SNX9: variants seen among roughly 807,000 people sequenced by gnomAD.
SNX9 encodes sorting nexin 9, also known as sorting nexin-9.
Under a neutral mutation model 89.4 loss-of-function variants are expected in SNX9, and 44 were observed. The observed-to-expected ratio is 0.49, with a 90% confidence interval of 0.39 to 0.63. The LOEUF (loss-of-function observed/expected upper bound fraction) is 0.63. Ranked by LOEUF, SNX9 falls within the 30% of genes least tolerant of loss-of-function variation. SNX9 has a pLI of 0.00. For missense variants in SNX9, 578 were observed against 736.1 expected (o/e 0.79, Z 2.49); for synonymous variants, 236 against 247.8 (o/e 0.95, Z 0.45).
At chr6:157,875,306 C>A in intron 4 of SNX9, 130 bp downstream of exon 4, 1 of 1,269,782 alleles carries the variant, frequency 7.9e-7, no homozygotes, top group Non-Finnish European at 1.0e-6. Flanking sequence ...TTAGGTTGTT[C>A]TGTGGCATTT....
intron 17 of SNX9, 70 bp from the exon 18 acceptor site, chr6:157,942,721 G>T: frequency 6.6e-7 from 1 of 1,510,738 alleles, no homozygotes; most frequent in South Asian, 1.1e-5. Context: ...TTGGAGTTGT[G>T]AATAAAGAAC....
chr6:157,830,982 T>C (rs894456999), intron 1 of SNX9, among the ~76,000 whole-genome samples: 6 of 152,222 alleles, frequency 3.9e-5, no homozygotes, highest in East Asian at 1.9e-4. Flanking sequence ...CTTTTATTCA[T>C]CCATTTAATT....
At chr6:157,841,000 G>A (rs1038034304) in intron 1 of SNX9, among the ~76,000 whole-genome samples, 22 of 152,184 alleles carry the variant, frequency 1.4e-4, no homozygotes, top group Admixed American at 8.5e-4. Context: ...GCGACTCACT[G>A]CATTTCTCTT....
At chr6:157,855,132 G>T (rs770024006) in intron 1 of SNX9, among the ~76,000 whole-genome samples, 3 of 152,078 alleles carry the variant, frequency 2.0e-5, no homozygotes, top group Admixed American at 2.0e-4. Context: ...GTACTGCATC[G>T]CTGGGCCCTC....
At position 157,843,408 on chromosome 6, in the gene SNX9, G is replaced by A. The variant is rs1372210228; in HGVS notation, c.12+19962G>A. Among the ~76,000 whole-genome samples the A allele has an allele frequency of 4.6e-5, 7 of 152,072 alleles. No homozygotes were observed. In the East Asian group the frequency reaches 5.8e-4, roughly 13 times the overall value. On this transcript the variant is annotated intron_variant, in intron 1 of 17. Transcript: ENST00000392185. ...TTTGTATGTTATATGTATTACATAC[G>A]GTATTCTTACAGTAAATTAAGCTAA...
intron 9 of SNX9, among the ~76,000 whole-genome samples, chr6:157,915,167 C>T (rs991583312): frequency 2.0e-5 from 3 of 152,130 alleles, no homozygotes; most frequent in Non-Finnish European, 2.9e-5. Context: ...CCATCCTTTT[C>T]GCTAGTCCTA....
At chr6:157,927,020 A>G in intron 10 of SNX9, 91 bp from the exon 11 acceptor site, 1 of 911,052 alleles carries the variant, frequency 1.1e-6, no homozygotes, top group South Asian at 1.4e-5. Flanking sequence ...TAGAAAGATA[A>G]AGGTGATAAA....
chr6:157,927,426 A>C (rs1160747971), intron 11 of SNX9, among the ~76,000 whole-genome samples: 1 of 152,082 alleles, frequency 6.6e-6, no homozygotes, highest in Non-Finnish European at 1.5e-5. Context: ...TCTTTCTTTC[A>C]CCTTGAAGCC....
chr6:157,844,438 TC>T lies in SNX9; in HGVS notation c.12+20993del, dbSNP rs1160386521. Among the ~76,000 whole-genome samples, 5 of 142,954 alleles carry T rather than the reference TC, an allele frequency of 3.5e-5. No individual in the cohort carries two copies. In the East Asian group the frequency reaches 5.8e-4, roughly 17 times the overall value. 93.8% of individuals were successfully genotyped at this position (142,954 alleles called of 152,430 possible). A position where few individuals can be genotyped will look rare whatever the true frequency, so the allele number is the denominator to read the frequency against. On this transcript the variant is annotated intron_variant, in intron 1 of 17. Transcript: ENST00000392185. Reference sequence around the variant, plus strand: ...CAAGATCAGATGCCCAGTTTATTGATCGGGGTGGTGCCAGCTGATCCATCAA... The same window carrying T: ...CAAGATCAGATGCCCAGTTTATTGATGGGGTGGTGCCAGCTGATCCATCAA...
chr6:157,853,097 G>A (rs554428218), intron 1 of SNX9, among the ~76,000 whole-genome samples: 13 of 151,196 alleles, frequency 8.6e-5, no homozygotes, highest in South Asian at 6.3e-4. Flanking sequence ...TATCATTTTC[G>A]TTCTGGTAAA....
chr6:157,891,794 A>G (rs1372655293), intron 4 of SNX9, among the ~76,000 whole-genome samples: 3 of 152,228 alleles, frequency 2.0e-5, no homozygotes, highest in Admixed American at 6.5e-5. Context: ...AAATTGAGGA[A>G]GATGAGGTGT....
chr6:157,867,858 C>G (rs1782300130), intron 2 of SNX9, among the ~76,000 whole-genome samples: 1 of 152,106 alleles, frequency 6.6e-6, no homozygotes. Context: ...GAAAAAAGTT[C>G]CCTAAAGACA....
chr6:157,845,306 T>A (rs1781787160), intron 1 of SNX9, among the ~76,000 whole-genome samples: 1 of 152,010 alleles, frequency 6.6e-6, no homozygotes, highest in Non-Finnish European at 1.5e-5. Context: ...AGACGGCGTT[T>A]CACCATGTTG....
chr6:157,873,955 G>A lies in SNX9; in HGVS notation c.174+779G>A, dbSNP rs116227198. Among the ~76,000 whole-genome samples, 402 of 152,296 alleles carry A rather than the reference G, an allele frequency of 2.6e-3. 1 individual carries two copies. Among genetic ancestry groups the A allele is most frequent in the African/African-American group, 9.0e-3 (372 of 41,548 alleles). ...GGTTGTCTTTCGGTCCCTCCAAACCGAGCGAAGGTTCTTGGTAAGCTTGTC... is the reference window on the plus strand; with the variant it reads ...GGTTGTCTTTCGGTCCCTCCAAACCAAGCGAAGGTTCTTGGTAAGCTTGTC... On this transcript the variant is annotated intron_variant, in intron 3 of 17. Coordinates refer to ENST00000392185, the MANE Select transcript of SNX9 (RefSeq NM_016224.5).
rs568458974 is a variant in SNX9 at position 157,905,434 on chromosome 6, A to G, written c.621-694A>G. Reference sequence around the variant, plus strand: ...TTTTTCAGTAGCCCTTTGGATGGCTATGTTCTAGCTGTCCTCTAATTTCAG... The same window carrying G: ...TTTTTCAGTAGCCCTTTGGATGGCTGTGTTCTAGCTGTCCTCTAATTTCAG... On this transcript the variant is annotated intron_variant, in intron 6 of 17. Coordinates refer to ENST00000392185, the MANE Select transcript of SNX9 (RefSeq NM_016224.5). Among the ~76,000 whole-genome samples the G allele has an allele frequency of 2.0e-5, 3 of 152,272 alleles. No individual in the cohort carries two copies. The South Asian group carries it at 6.2e-4, about 32-fold the overall frequency.
intron 4 of SNX9, 153 bp downstream of exon 4, chr6:157,875,329 A>G: frequency 9.4e-7 from 1 of 1,059,958 alleles, no homozygotes; most frequent in Non-Finnish European, 1.3e-6. Flanking sequence ...GTTGGGTACT[A>G]ACAAAGAAAT....
rs1191374573 is a variant in SNX9 at position 157,834,149 on chromosome 6, GGTTTTTTTTTTTTTTTTT to G, written c.12+10704_12+10721del. 8.6e-3 allele frequency among the ~76,000 whole-genome samples: 519 copies of G among 60,076 alleles called. 7 individuals carry two copies. The highest frequency in any genetic ancestry group is 0.033 in the African/African-American group (499 of 15,090). The allele number at this position is 60,076 out of a possible 152,430, so 39.4% of individuals were successfully genotyped here. On this transcript the variant is annotated intron_variant, in intron 1 of 17. Coordinates refer to ENST00000392185, the MANE Select transcript of SNX9 (RefSeq NM_016224.5). ...GATCCTGCCATGTGGTGTCCACTGT[GGTTTTTTTTTTTTTTTTT>G]TTTTTTTTTTTTTTTTTTGAGTCAG...
chr6:157,877,419 T>TA (rs1488233728), intron 4 of SNX9, among the ~76,000 whole-genome samples: 17 of 152,170 alleles, frequency 1.1e-4, no homozygotes, highest in African/African-American at 3.6e-4. Context: ...GTAAATCAAG[T>TA]AAAAATATTT....
intron 6 of SNX9, among the ~76,000 whole-genome samples, chr6:157,902,529 G>T (rs958185779): frequency 1.3e-5 from 2 of 152,094 alleles, no homozygotes; most frequent in African/African-American, 4.8e-5. Context: ...CCAGAGAGAC[G>T]CATCGAGTGT....
Sources: allele counts gnomAD v4.1 joint callset (sites outside exome capture counted in the v4.1 genomes callset), GRCh38; gene constraint gnomAD v4.1.1; transcripts MANE v1.5; gene names NCBI Gene and HGNC (gene_info 2026-07-23, HGNC 2026-07-21).